KRT86: variants seen among roughly 807,000 people sequenced by gnomAD.
KRT86 encodes keratin 86.
A neutral mutation model predicts 41.2 loss-of-function variants in KRT86; 30 were observed. The observed-to-expected ratio is 0.73, with a 90% CI of 0.54 to 0.99. KRT86 has a LOEUF of 0.99. Ranked by LOEUF, KRT86 falls within the 50% of genes least tolerant of loss-of-function variation. The pLI is 0.00. For synonymous variants in KRT86, 238 were observed against 238.1 expected (o/e 1.00, Z 0.00); for missense variants, 561 against 571.4 (o/e 0.98, Z 0.19).
intron 9 of KRT86, chr12:52,306,491 A>C: frequency 1.4e-6 from 1 of 730,916 alleles, no homozygotes; most frequent in Non-Finnish European, 2.2e-6. Context: ...AGTCTTGTTC[A>C]TCTCAGTTGA....
At chr12:52,286,048 A>G in intron 2 of KRT86, 2 of 597,550 alleles carry the variant, frequency 3.3e-6, no homozygotes, top group South Asian at 4.0e-5. Context: ...GTGCCAGCGG[A>G]CTTCTTTCTA....
intron 2 of KRT86, chr12:52,286,739 C>T: frequency 1.3e-6 from 2 of 1,579,418 alleles, no homozygotes; most frequent in Non-Finnish European, 1.7e-6. Flanking sequence ...AAACTCTGCC[C>T]TCCATCACAG....
intron 2 of KRT86, among the ~76,000 whole-genome samples, chr12:52,292,206 T>G (rs929464152): frequency 1.3e-5 from 2 of 152,238 alleles, no homozygotes; most frequent in African/African-American, 2.4e-5. Context: ...GATTCAACAG[T>G]TAACATTATA....
chr12:52,301,277 G>A (rs1938366744), intron 2 of KRT86, among the ~76,000 whole-genome samples: 1 of 152,026 alleles, frequency 6.6e-6, no homozygotes, highest in Admixed American at 6.6e-5. Context: ...AAAACATGTT[G>A]ATAGGTATAG....
At chr12:52,292,614 G>A (rs962592986) in intron 2 of KRT86, among the ~76,000 whole-genome samples, 6 of 152,190 alleles carry the variant, frequency 3.9e-5, no homozygotes, top group Non-Finnish European at 7.3e-5. Flanking sequence ...GCAGCTACCT[G>A]TAAGTAGTGC....
intron 2 of KRT86, among the ~76,000 whole-genome samples, chr12:52,280,465 T>C (rs1317921828): frequency 1.3e-5 from 2 of 152,224 alleles, no homozygotes; most frequent in Non-Finnish European, 2.9e-5. Flanking sequence ...TGGGTGGGGC[T>C]GAAGTGCGTC....
intron 2 of KRT86, chr12:52,287,643 G>C (rs760791254): frequency 6.2e-7 from 1 of 1,613,838 alleles, no homozygotes; most frequent in South Asian, 1.1e-5. Context: ...TGGATCATGC[G>C]GTTCAGCTCA....
intron 2 of KRT86, chr12:52,279,042 G>C (rs577055109): frequency 3.3e-5 from 5 of 152,308 alleles, no homozygotes; most frequent in African/African-American, 1.2e-4. Flanking sequence ...GCTTGGGGTG[G>C]GGGGAGGAAG....
intron 5 of KRT86, 37 bp from the exon 6 acceptor site, chr12:52,304,895 C>T (rs1194314541): frequency 1.2e-6 from 2 of 1,606,120 alleles, no homozygotes; most frequent in Admixed American, 1.7e-5. Flanking sequence ...GCTGGATCAC[C>T]AGGGTCCTTG....
intron 2 of KRT86, among the ~76,000 whole-genome samples, chr12:52,280,471 G>A (rs1012201141): frequency 6.6e-6 from 1 of 152,202 alleles, no homozygotes; most frequent in Non-Finnish European, 1.5e-5. Flanking sequence ...GGGCTGAAGT[G>A]CGTCATTGGC....
In KRT86 at chr12:52,302,213, G is replaced by T. The variant is rs199751260; in HGVS notation, c.297G>T (p.Ala99=). 97 of 1,175,976 alleles carry T rather than the reference G, an allele frequency of 8.2e-5. No homozygotes were observed. Among genetic ancestry groups the T allele is most frequent in the Non-Finnish European group, 9.8e-5 (83 of 845,752 alleles). The allele number at this position is 1,175,976 out of a possible 1,614,324, so 72.8% of individuals were successfully genotyped here. A position where few individuals can be genotyped will look rare whatever the true frequency, so the allele number is the denominator to read the frequency against. Residue 99 remains alanine, a synonymous_variant, in exon 3 of 11, where the codon GCG becomes GCT. Transcript: ENST00000423955. ...TPLNLEIDPN[A]QCVKQEEKEQ... is the part of the protein sequence containing the mutation. ...TCAACCTGGAGATCGACCCCAACGCGCAGTGCGTGAAGCAGGAGGAGAAGG... is the reference window on the plus strand; with the variant it reads ...TCAACCTGGAGATCGACCCCAACGCTCAGTGCGTGAAGCAGGAGGAGAAGG...
At position 52,299,179 on chromosome 12, in the gene KRT86, A is replaced by G. The variant is rs145790846; in HGVS notation, c.-4-2734A>G. 1.5e-3 allele frequency among the ~76,000 whole-genome samples: 230 copies of G among 152,266 alleles called. 3 individuals carry two copies. The highest frequency in any genetic ancestry group is 5.4e-3 in the African/African-American group (224 of 41,568). On this transcript the variant is annotated intron_variant, in intron 2 of 10. Coordinates refer to ENST00000423955, the MANE Select transcript of KRT86 (RefSeq NM_001320198.2). ...TGAGATCAATTTTTTTAGCTCTCGC[A>G]TATGTGTAAGAACATCTGAAATTTG... is the stretch of plus-strand genomic sequence containing the variant.
chr12:52,306,527 T>A, intron 9 of KRT86: 2 of 643,382 alleles, frequency 3.1e-6, no homozygotes, highest in Non-Finnish European at 5.3e-6. Context: ...CAGCAGGTAT[T>A]CCTGTTACTG....
At chr12:52,288,269 T>G (rs1565741412) in intron 2 of KRT86, 2 of 1,603,658 alleles carry the variant, frequency 1.2e-6, no homozygotes, top group African/African-American at 1.3e-5. Context: ...CCTCAGGGAC[T>G]GCAACCTCTA....
chr12:52,301,901 T>C lies in KRT86; in HGVS notation c.-4-12T>C. On this transcript the variant is annotated splice_polypyrimidine_tract_variant and intron_variant, in intron 2 of 10. Transcript: ENST00000423955. ...GTCTCCATCCTCAGAACCTCCTCTC[T>C]TCCCCAAAAAGCACCATGACTTGTG... 6.2e-7 allele frequency: 1 copy of C among 1,613,766 alleles called. No individual in the cohort carries two copies. The highest frequency in any genetic ancestry group is 8.5e-7 in the Non-Finnish European group (1 of 1,179,724).
intron 2 of KRT86, chr12:52,288,133 G>A: frequency 6.2e-7 from 1 of 1,614,122 alleles, no homozygotes; most frequent in Non-Finnish European, 8.5e-7. Context: ...ATGTGCGACT[G>A]GAGAATGAGG....
rs1271808532 is a variant in KRT86, at chr12:52,306,093, G to C, written c.1060G>C (p.Glu354Gln). ...SKLEAAVAQS[E>Q]QQGEAALSDA... ...GCTGGAGGCTGCGGTGGCTCAGTCT[G>C]AGCAGCAGGGTGAGGCGGCCCTCAG... The change falls in exon 9 of 11, where the codon GAG becomes CAG. Residue 354 changes from glutamate (E) to glutamine (Q), a missense_variant. By Grantham distance (29) the Glu-to-Gln change is conservative. Coordinates refer to ENST00000423955, the MANE Select transcript of KRT86 (RefSeq NM_001320198.2). 6.2e-7 allele frequency: 1 copy of C among 1,613,924 alleles called. No homozygotes were observed. The highest frequency in any genetic ancestry group is 8.5e-7 in the Non-Finnish European group (1 of 1,180,042).
At chr12:52,295,606 C>A (rs1216683464) in intron 2 of KRT86, among the ~76,000 whole-genome samples, 4 of 152,180 alleles carry the variant, frequency 2.6e-5, no homozygotes, top group Non-Finnish European at 5.9e-5. Context: ...CACCCTTGTT[C>A]TTGGCAAGCT....
At chr12:52,279,109 C>G (rs910381405) in intron 2 of KRT86, 1 of 145,702 alleles carries the variant, frequency 6.9e-6, no homozygotes, top group Non-Finnish European at 1.5e-5. Flanking sequence ...CTGCCTGCTC[C>G]AGCCCCGAGC....
Sources: gnomAD v4.1 joint callset for allele counts (sites outside exome capture counted in the v4.1 genomes callset) on GRCh38, gnomAD v4.1.1 for gene constraint, MANE v1.5 for transcripts, NCBI Gene and HGNC (gene_info 2026-07-23, HGNC 2026-07-21) for gene names.